The following MYO5B variants were observed in gnomAD, a reference collection of about 807,000 sequenced individuals.
The protein encoded by MYO5B is myosin VB.
Under a neutral mutation model 229.3 loss-of-function variants are expected in MYO5B, and 143 were observed. The observed-to-expected ratio is 0.62, with a 90% CI of 0.54 to 0.72. The LOEUF (loss-of-function observed/expected upper bound fraction) is 0.72. Ranked by LOEUF, MYO5B falls within the 30% of genes least tolerant of loss-of-function variation. The pLI, the probability that MYO5B is intolerant of heterozygous loss-of-function variation, is 0.00. For missense variants in MYO5B, 2,321 were observed against 2,331.0 expected (o/e 1.00, Z 0.09); for synonymous variants, 918 against 885.2 (o/e 1.04, Z -0.66).
intron 17 of MYO5B, among the ~76,000 whole-genome samples, chr18:49,918,278 T>G (rs944821205): frequency 2.0e-5 from 3 of 152,202 alleles, no homozygotes; most frequent in Non-Finnish European, 4.4e-5. Context: ...ACTTTGTGCT[T>G]CTTCTCCCTC....
intron 1 of MYO5B, among the ~76,000 whole-genome samples, chr18:50,075,756 G>C (rs1038804991): frequency 6.6e-6 from 1 of 152,258 alleles, no homozygotes; most frequent in South Asian, 2.1e-4. Flanking sequence ...GTGGCACTCA[G>C]TTTGGATCCA....
At chr18:50,137,976 T>G (rs73430360) in intron 1 of MYO5B, among the ~76,000 whole-genome samples, 7,304 of 152,234 alleles carry the variant, frequency 0.048, 195 homozygotes, top group Non-Finnish European at 0.056. Context: ...TGGTGCCTAA[T>G]TGAGGGTGGA....
Position 49,893,701 on chromosome 18 carries a change from G to A in MYO5B, c.3045+1240C>T, listed in dbSNP as rs531708696. 6.8e-4 allele frequency among the ~76,000 whole-genome samples: 103 copies of A among 152,332 alleles called. 1 individual carries two copies. Among genetic ancestry groups the A allele is most frequent in the Middle Eastern group, 3.4e-3 (1 of 294 alleles). On this transcript the variant is annotated intron_variant, in intron 22 of 39. Coordinates refer to ENST00000285039, the MANE Select transcript of MYO5B (RefSeq NM_001080467.3). ...CTGGATCCCACCTCTGGCCCCTGGA[G>A]ATCCCTGGGGTCTGGGTGAAGGCAG... is the stretch of plus-strand genomic sequence containing the variant.
At chr18:49,916,482 A>G (rs1461228895) in intron 17 of MYO5B, among the ~76,000 whole-genome samples, 1 of 152,202 alleles carries the variant, frequency 6.6e-6, no homozygotes, top group Non-Finnish European at 1.5e-5. Context: ...AGTTCAGGAG[A>G]TGGGGCGTAT....
chr18:49,990,470 G>A lies in MYO5B; in HGVS notation c.807C>T (p.Ala269=), dbSNP rs370357903. The change falls in exon 7 of 40, where the codon GCC becomes GCT. Residue 269 remains alanine (A), a synonymous_variant. Transcript: ENST00000285039. ...YHIFYQLCAA[A]GLPEFKELAL... is the part of the protein sequence containing the mutation. Reference sequence around the variant, plus strand: ...CAAGCTCTTTAAATTCTGGAAGACCGGCAGCAGCACAGAGCTGGTAAAAGA... The same window carrying A: ...CAAGCTCTTTAAATTCTGGAAGACCAGCAGCAGCACAGAGCTGGTAAAAGA... The A allele has an allele frequency of 1.5e-4, 237 of 1,613,874 alleles. 2 individuals carry two copies. In the South Asian group the frequency reaches 1.9e-3, roughly 13 times the overall value.
At chr18:49,868,116 A>G (rs1410660391) in intron 27 of MYO5B, among the ~76,000 whole-genome samples, 2 of 152,014 alleles carry the variant, frequency 1.3e-5, no homozygotes, top group Non-Finnish European at 2.9e-5. Context: ...TATATATATA[A>G]CAACTATATA....
rs557761357 is a variant in MYO5B at position 49,912,191 on chromosome 18, G to T, written c.2091-18C>A. The T allele has an allele frequency of 1.7e-4, 271 of 1,598,394 alleles. 1 individual carries two copies. In the East Asian group the frequency reaches 5.6e-3, roughly 33 times the overall value. On this transcript the variant is annotated intron_variant, in intron 17 of 39. Coordinates refer to ENST00000285039, the MANE Select transcript of MYO5B (RefSeq NM_001080467.3). ...AGGCCCACCTGGAGGGAAAGCAAAG[G>T]GGCATCAGGTGACACATCCTGCCTC... is the stretch of plus-strand genomic sequence containing the variant.
chr18:50,090,580 G>A (rs951164100), intron 1 of MYO5B, among the ~76,000 whole-genome samples: 13 of 152,196 alleles, frequency 8.5e-5, no homozygotes, highest in African/African-American at 1.4e-4. Flanking sequence ...AAACCACCTC[G>A]CCTTTCTGCT....
At chr18:50,095,368 G>A (rs1050193425) in intron 1 of MYO5B, among the ~76,000 whole-genome samples, 11 of 152,290 alleles carry the variant, frequency 7.2e-5, no homozygotes, top group Admixed American at 2.6e-4. Flanking sequence ...ACAGCAAGCC[G>A]TGCAGTTAAC....
intron 1 of MYO5B, among the ~76,000 whole-genome samples, chr18:50,184,216 T>A (rs113122128): frequency 0.011 from 1,710 of 152,190 alleles, 34 homozygotes; most frequent in African/African-American, 0.039. Flanking sequence ...TGGGACAGAA[T>A]TTTAAGAAGC....
intron 1 of MYO5B, among the ~76,000 whole-genome samples, chr18:50,076,914 A>C (rs903984364): frequency 8.7e-6 from 1 of 115,038 alleles, no homozygotes; most frequent in Non-Finnish European, 1.8e-5. Context: ...GCCCAGACTA[A>C]AAAACTGATG....
intron 10 of MYO5B, among the ~76,000 whole-genome samples, chr18:49,973,243 C>A (rs2025710179): frequency 6.6e-6 from 1 of 152,148 alleles, no homozygotes; most frequent in Admixed American, 6.5e-5. Flanking sequence ...CTTCTTTCTC[C>A]ATAGCATGCA....
intron 5 of MYO5B, among the ~76,000 whole-genome samples, chr18:50,000,536 C>T (rs561715257): frequency 6.6e-6 from 1 of 152,298 alleles, no homozygotes; most frequent in South Asian, 2.1e-4. Context: ...ATGAAGGTTT[C>T]ATACAGAAAA....
At chr18:49,858,368 C>T (rs752256306) in intron 29 of MYO5B, among the ~76,000 whole-genome samples, 7 of 152,234 alleles carry the variant, frequency 4.6e-5, no homozygotes, top group Non-Finnish European at 8.8e-5. Flanking sequence ...TGGGGAGGGC[C>T]GGAAGTAGAG....
chr18:49,982,995 C>T (rs1253329764), intron 8 of MYO5B, among the ~76,000 whole-genome samples: 3 of 152,172 alleles, frequency 2.0e-5, no homozygotes, highest in African/African-American at 4.8e-5. Flanking sequence ...GAGATCTTCT[C>T]CTTTCTCTGA....
chr18:50,031,393 G>A (rs1049669446), intron 4 of MYO5B, among the ~76,000 whole-genome samples: 3 of 152,250 alleles, frequency 2.0e-5, no homozygotes, highest in East Asian at 1.9e-4. Flanking sequence ...TACAGCATCC[G>A]AAAGTCTCTA....
At chr18:49,939,597 G>A (rs1371001650) in intron 14 of MYO5B, among the ~76,000 whole-genome samples, 8 of 152,190 alleles carry the variant, frequency 5.3e-5, no homozygotes, top group African/African-American at 7.2e-5. Context: ...CGACTGGGGA[G>A]AAGGAACCTA....
At chr18:50,119,321 GT>G (rs2032020550) in intron 1 of MYO5B, among the ~76,000 whole-genome samples, 1 of 152,166 alleles carries the variant, frequency 6.6e-6, no homozygotes, top group South Asian at 2.1e-4. Context: ...TACCCTACAG[GT>G]TTCACATCCT....
At position 49,880,652 on chromosome 18, in the gene MYO5B, G is replaced by C. The variant is rs144924868; in HGVS notation, c.3046-197C>G. Among the ~76,000 whole-genome samples, 6 of 152,342 alleles carry C rather than the reference G, an allele frequency of 3.9e-5. 1 individual carries two copies. The highest frequency in any genetic ancestry group is 1.4e-4 in the African/African-American group (6 of 41,580). ...CATTAAAACAAGACAGATGAGCTCA[G>C]CACTATTTATGGTCATCTAATGTCC... On this transcript the variant is annotated intron_variant, in intron 22 of 39. Transcript: ENST00000285039.
Sources: allele counts gnomAD v4.1 joint callset (sites outside exome capture counted in the v4.1 genomes callset), GRCh38; gene constraint gnomAD v4.1.1; transcripts MANE v1.5; gene names NCBI Gene and HGNC (gene_info 2026-07-23, HGNC 2026-07-21).